The following ROS1 variants were observed in gnomAD, a reference collection of about 807,000 sequenced individuals.
ROS1 encodes ROS proto-oncogene 1, receptor tyrosine kinase, also known as proto-oncogene tyrosine-protein kinase ROS.
In ROS1, 263 loss-of-function variants were observed where a neutral mutation model predicts 273.5. That is an observed-to-expected ratio of 0.96 (90% CI 0.87 to 1.06). The LOEUF (loss-of-function observed/expected upper bound fraction) is 1.06. ROS1 is among the 50% of genes least tolerant of loss of function. ROS1 has a pLI of 0.00. For missense variants in ROS1, 2,833 were observed against 2,751.1 expected, an observed-to-expected ratio of 1.03 and a Z score of -0.67; for synonymous variants, 1,008 against 954.1, an observed-to-expected ratio of 1.06 and a Z score of -1.04.
intron 32 of ROS1, among the ~76,000 whole-genome samples, chr6:117,336,811 C>T (rs1777513225): frequency 6.6e-6 from 1 of 152,032 alleles, no homozygotes; most frequent in Admixed American, 6.6e-5. Flanking sequence ...TTTTAATGAA[C>T]TTCTTATATT....
Position 117,301,004 on chromosome 6 carries a change from T to C in ROS1, c.6685A>G (p.Asn2229Asp). 1.3e-6 allele frequency: 2 copies of C among 1,589,202 alleles called. No individual in the cohort carries two copies. The highest frequency in any genetic ancestry group is 2.7e-5 in the African/African-American group (2 of 74,086). The change falls in exon 43 of 44, where the codon AAC (asparagine) becomes GAC (aspartate). Residue 2229 changes from asparagine to aspartate, a missense_variant. Transcript: ENST00000368507. Reference sequence around the variant, plus strand: ...AAGCTTTCATTTATGACTCCACTGTTGTTTGCTTCATCTCTGGACTTATAA... The same window carrying C: ...AAGCTTTCATTTATGACTCCACTGTCGTTTGCTTCATCTCTGGACTTATAA... Reference protein sequence around the residue: ...SIYKSRDEANNSGVINESFEG... With the variant: ...SIYKSRDEANDSGVINESFEG...
intron 4 of ROS1, among the ~76,000 whole-genome samples, chr6:117,410,879 A>G (rs1774848197): frequency 6.6e-6 from 1 of 152,188 alleles, no homozygotes. Flanking sequence ...GAATTATTTA[A>G]TTTCAAGATT....
At chr6:117,352,904 G>T in intron 27 of ROS1, 86 bp downstream of exon 27, 1 of 1,255,538 alleles carries the variant, frequency 8.0e-7, no homozygotes, top group Non-Finnish European at 1.1e-6. Flanking sequence ...AGGGGCTAAA[G>T]GGACAGCCTT....
chr6:117,329,693 G>A (rs1014561124), intron 32 of ROS1, among the ~76,000 whole-genome samples: 1 of 152,056 alleles, frequency 6.6e-6, no homozygotes, highest in African/African-American at 2.4e-5. Context: ...GAAGGCTGGC[G>A]TGACCCACAG....
intron 43 of ROS1, among the ~76,000 whole-genome samples, chr6:117,292,558 A>C (rs1020560295): frequency 4.0e-5 from 6 of 151,204 alleles, no homozygotes; most frequent in Non-Finnish European, 7.4e-5. Flanking sequence ...CCCACTTGTC[A>C]CTCTCTTCTT....
chr6:117,348,631 C>A (rs1201064144), intron 27 of ROS1, among the ~76,000 whole-genome samples: 1 of 151,224 alleles, frequency 6.6e-6, no homozygotes, highest in African/African-American at 2.4e-5. Context: ...AGTTTTGTTT[C>A]TTATTATTAT....
intron 38 of ROS1, 99 bp downstream of exon 38, chr6:117,318,089 G>T: frequency 1.2e-6 from 1 of 839,950 alleles, no homozygotes; most frequent in East Asian, 2.6e-5. Flanking sequence ...TGTTGTTTTA[G>T]TCATGATCCG....
In ROS1 at chr6:117,403,024, T is replaced by C. The variant is rs1418263504; in HGVS notation, c.604+115A>G. ...TGGCACATAGTTATGTACCCAGTTGTTGAATGGATCGATTAATAGGAAGGA... is the reference window on the plus strand; with the variant it reads ...TGGCACATAGTTATGTACCCAGTTGCTGAATGGATCGATTAATAGGAAGGA... On this transcript the variant is annotated intron_variant, in intron 7 of 43. Coordinates refer to ENST00000368507, the MANE Select transcript of ROS1 (RefSeq NM_001378902.1). 2.5e-6 allele frequency: 3 copies of C among 1,184,774 alleles called. No homozygotes were observed. In the Admixed American group the frequency reaches 5.4e-5, roughly 21 times the overall value. The allele number at this position is 1,184,774 out of a possible 1,614,324, so 73.4% of individuals were successfully genotyped here. A position where few individuals can be genotyped will look rare whatever the true frequency, so the allele number is the denominator to read the frequency against.
intron 42 of ROS1, among the ~76,000 whole-genome samples, chr6:117,307,443 T>G (rs75679389): frequency 6.6e-6 from 1 of 152,292 alleles, no homozygotes; most frequent in East Asian, 1.9e-4. Flanking sequence ...CAGTGATTAG[T>G]TTGTAAATAT....
intron 41 of ROS1, 63 bp from the exon 42 acceptor site, chr6:117,308,991 TC>T: frequency 6.6e-7 from 1 of 1,526,258 alleles, no homozygotes; most frequent in Non-Finnish European, 9.0e-7. Context: ...TACAGTAGTT[TC>T]TCCAACAACA....
intron 43 of ROS1, among the ~76,000 whole-genome samples, chr6:117,295,655 T>C (rs1274206608): frequency 6.6e-6 from 1 of 152,128 alleles, no homozygotes; most frequent in Non-Finnish European, 1.5e-5. Context: ...AAAAAGCTAA[T>C]AGTCTGATCA....
chr6:117,339,177 T>C (rs1171637714), intron 31 of ROS1, among the ~76,000 whole-genome samples: 4 of 152,154 alleles, frequency 2.6e-5, no homozygotes, highest in East Asian at 1.9e-4. Context: ...CCCAAATTCG[T>C]AAACTTTCTT....
Position 117,379,165 on chromosome 6 carries a change from T to C in ROS1, c.2482-6A>G, listed in dbSNP as rs772987269. On this transcript the variant is annotated splice_region_variant and splice_polypyrimidine_tract_variant and intron_variant, in intron 17 of 43. Coordinates refer to ENST00000368507, the MANE Select transcript of ROS1 (RefSeq NM_001378902.1). The stretch of plus-strand genomic sequence containing the variant: ...TCTAAAGTTAGAGCAATTACCTAAG[T>C]AGAAAGTAAGGTAAGAAAATAAACC... 21 of 1,585,040 alleles carry C rather than the reference T, an allele frequency of 1.3e-5. No individual in the cohort carries two copies. In the South Asian group the frequency reaches 2.0e-4, roughly 15 times the overall value.
chr6:117,348,923 A>G (rs574355516), intron 27 of ROS1, among the ~76,000 whole-genome samples: 1 of 152,086 alleles, frequency 6.6e-6, no homozygotes, highest in East Asian at 1.9e-4. Context: ...TTCTAGTTAA[A>G]TGGCATTGTA....
At chr6:117,309,497 T>C (rs1444218156) in intron 41 of ROS1, among the ~76,000 whole-genome samples, 1 of 152,106 alleles carries the variant, frequency 6.6e-6, no homozygotes, top group Admixed American at 6.5e-5. Context: ...AAGGCATGAA[T>C]AAAAATTGGC....
At chr6:117,416,163 T>C (rs1775316354) in intron 3 of ROS1, 95 bp downstream of exon 3, 2 of 782,010 alleles carry the variant, frequency 2.6e-6, no homozygotes, top group East Asian at 5.2e-5. Context: ...GCAAACTAGT[T>C]GAAAGCCAAT....
intron 17 of ROS1, among the ~76,000 whole-genome samples, chr6:117,379,636 C>T (rs939208109): frequency 6.6e-6 from 1 of 152,134 alleles, no homozygotes; most frequent in African/African-American, 2.4e-5. Flanking sequence ...CTGCATATTA[C>T]AATGATCTGT....
chr6:117,390,822 A>G (rs1267969736), intron 12 of ROS1, among the ~76,000 whole-genome samples: 1 of 152,242 alleles, frequency 6.6e-6, no homozygotes, highest in East Asian at 1.9e-4. Context: ...ATTTAAAGTC[A>G]AACCTCACAG....
In ROS1 at chr6:117,351,326, G is replaced by A. The variant is rs144038828; in HGVS notation, c.4303+1664C>T. Among the ~76,000 whole-genome samples, 138 of 152,234 alleles carry A rather than the reference G, an allele frequency of 9.1e-4. No individual in the cohort carries two copies. In the East Asian group the frequency reaches 0.022, roughly 24 times the overall value. On this transcript the variant is annotated intron_variant, in intron 27 of 43. Transcript: ENST00000368507. Reference sequence around the variant, plus strand: ...GGTCAATTAAGCTCTGATAAAACCCGAGCAGGTCCAGCTGTGATTAGTGTA... The same window carrying A: ...GGTCAATTAAGCTCTGATAAAACCCAAGCAGGTCCAGCTGTGATTAGTGTA...
Sources: gnomAD v4.1 joint callset for allele counts (sites outside exome capture counted in the v4.1 genomes callset) on GRCh38, gnomAD v4.1.1 for gene constraint, MANE v1.5 for transcripts, NCBI Gene and HGNC (gene_info 2026-07-23, HGNC 2026-07-21) for gene names.